Variants in CFAP20 observed in about 807,000 individuals in gnomAD.
CFAP20 encodes cilia and flagella associated protein 20.
In CFAP20, 14 loss-of-function variants were observed where a neutral mutation model predicts 25.5. The ratio of observed to expected loss-of-function variants is 0.55; its 90% CI spans 0.36 to 0.86. The LOEUF is 0.86. Among genes scored for constraint, CFAP20 ranks in the 40% least tolerant of loss-of-function variants. CFAP20 has a pLI of 0.01. For missense variants in CFAP20, 181 were observed against 248.0 expected (o/e 0.73, Z 1.81); for synonymous variants, 75 against 91.1 (o/e 0.82, Z 1.01).
At chr16:58,128,988 G>T (rs752203144) in intron 1 of CFAP20, 44 bp downstream of exon 1, 133 of 1,588,126 alleles carry the variant, frequency 8.4e-5, no homozygotes, top group Non-Finnish European at 1.1e-4. Context: ...ACGAGGAGGG[G>T]GTGCAGCCCC....
chr16:58,120,583 C>T (rs1321001792), intron 1 of CFAP20, among the ~76,000 whole-genome samples: 13 of 152,216 alleles, frequency 8.5e-5, no homozygotes, highest in Non-Finnish European at 2.9e-5. Context: ...CACACAGAAG[C>T]CAATGCAGGC....
Position 58,116,855 on chromosome 16 carries a change from C to A in CFAP20, c.164+17G>T, listed in dbSNP as rs370808916. The stretch of plus-strand genomic sequence containing the variant: ...CTAGTATATGATGTCTCTGGGAGAA[C>A]AGAGGTGGCAACCTACCTTACATTT... On this transcript the variant is annotated intron_variant, in intron 2 of 5. Transcript: ENST00000262498. 7.5e-6 allele frequency: 12 copies of A among 1,608,338 alleles called. No individual in the cohort carries two copies. In the East Asian group the frequency reaches 2.7e-4, roughly 36 times the overall value.
In CFAP20 at chr16:58,129,226, G is replaced by A. The variant is rs962442850; in HGVS notation, c.-111C>T. The A allele has an allele frequency of 1.5e-5, 18 of 1,178,494 alleles. No individual in the cohort carries two copies. The highest frequency in any genetic ancestry group is 1.9e-4 in the Middle Eastern group (1 of 5,210). The allele number at this position is 1,178,494 out of a possible 1,614,324, so 73.0% of individuals were successfully genotyped here. On this transcript the variant is annotated 5_prime_UTR_variant, in exon 1 of 6. Transcript: ENST00000262498. ...AGCAGGCCGGCCCTGTTCCGAAGAA[G>A]GGTGGTTGAGCTCCTGGCCTCCGGA...
intron 3 of CFAP20, 72 bp downstream of exon 3, chr16:58,115,968 CT>C: frequency 5.3e-6 from 6 of 1,126,326 alleles, no homozygotes; most frequent in East Asian, 2.4e-5. Context: ...TGTAGGGTCA[CT>C]TTTTCCCATC....
At chr16:58,114,074 G>A in intron 5 of CFAP20, 44 bp from the exon 6 acceptor site, 2 of 1,603,940 alleles carry the variant, frequency 1.2e-6, no homozygotes, top group Non-Finnish European at 1.7e-6. Context: ...TAAGTTACTA[G>A]AAAATAGATG....
At chr16:58,122,620 G>A (rs760795349) in intron 1 of CFAP20, among the ~76,000 whole-genome samples, 3 of 151,970 alleles carry the variant, frequency 2.0e-5, no homozygotes, top group South Asian at 4.2e-4. Flanking sequence ...CCATGTCTTC[G>A]TTCAATTACA....
At chr16:58,127,988 T>C (rs1363495031) in intron 1 of CFAP20, among the ~76,000 whole-genome samples, 1 of 152,180 alleles carries the variant, frequency 6.6e-6, no homozygotes, top group Non-Finnish European at 1.5e-5. Context: ...CTGAGATTAT[T>C]CCACATGCAT....
chr16:58,114,493 T>G (rs1960429092), intron 5 of CFAP20, among the ~76,000 whole-genome samples: 2 of 148,914 alleles, frequency 1.3e-5, no homozygotes, highest in Admixed American at 6.7e-5. Flanking sequence ...GCCACTGCAC[T>G]CTAGCCTGGG....
chr16:58,118,567 C>T (rs765256577), intron 1 of CFAP20, among the ~76,000 whole-genome samples: 12 of 144,772 alleles, frequency 8.3e-5, no homozygotes, highest in Non-Finnish European at 1.1e-4. Context: ...TGGTGGTTCA[C>T]GCTTGTAATC....
rs188372914 is a variant in CFAP20, at chr16:58,125,668, C to T, written c.84+3364G>A. On this transcript the variant is annotated intron_variant, in intron 1 of 5. Coordinates refer to ENST00000262498, the MANE Select transcript of CFAP20 (RefSeq NM_013242.3). ...TACTGCATTCCAGCCTGGGCAACAG[C>T]AAGACCTTGTCTCAGAAAAATAAAA... 2.1e-3 allele frequency among the ~76,000 whole-genome samples: 316 copies of T among 152,170 alleles called. 1 individual carries two copies. Among genetic ancestry groups the T allele is most frequent in the African/African-American group, 7.1e-3 (295 of 41,536 alleles).
At chr16:58,119,810 A>C (rs4784895) in intron 1 of CFAP20, among the ~76,000 whole-genome samples, 1,516 of 73,170 alleles carry the variant, frequency 0.021, 1 homozygote, top group Middle Eastern at 0.1. Flanking sequence ...CTCGCCATCT[A>C]CTGTTCCCAA....
intron 5 of CFAP20, 69 bp from the exon 6 acceptor site, chr16:58,114,099 C>T (rs976080523): frequency 6.6e-7 from 1 of 1,507,920 alleles, no homozygotes. Flanking sequence ...GTGTCACAGG[C>T]CCCCTGCCTC....
chr16:58,115,034 TG>T, intron 4 of CFAP20, 114 bp from the exon 5 acceptor site: 1 of 1,069,480 alleles, frequency 9.4e-7, no homozygotes, highest in Non-Finnish European at 1.4e-6. Context: ...GGCATCTCCT[TG>T]GCTTGTCTTA....
intron 1 of CFAP20, among the ~76,000 whole-genome samples, chr16:58,126,458 C>CA (rs1037719641): frequency 2.6e-5 from 4 of 152,126 alleles, no homozygotes; most frequent in African/African-American, 9.7e-5. Flanking sequence ...AGAGCCTAAA[C>CA]AAAAGTCAAA....
chr16:58,115,110 C>A, intron 4 of CFAP20, 159 bp downstream of exon 4: 1 of 1,139,274 alleles, frequency 8.8e-7, no homozygotes, highest in Non-Finnish European at 1.3e-6. Flanking sequence ...GACCCGACTT[C>A]TGAATATTTC....
At chr16:58,115,067 G>T in intron 4 of CFAP20, 147 bp from the exon 5 acceptor site, 3 of 972,446 alleles carry the variant, frequency 3.1e-6, no homozygotes, top group Non-Finnish European at 3.1e-6. Context: ...TGGCAAGAGG[G>T]AGGTCTTACT....
chr16:58,128,831 C>T, intron 1 of CFAP20, among the ~76,000 whole-genome samples: 1 of 105,600 alleles, frequency 9.5e-6, no homozygotes, highest in Non-Finnish European at 2.2e-5. Context: ...CCACATGCAC[C>T]GCCCCCCCCC....
At position 58,129,362 on chromosome 16, in the gene CFAP20, G is replaced by T; in HGVS notation, c.-247C>A. The stretch of plus-strand genomic sequence containing the variant: ...CCACAGCAACTACCGTCCGCGCCGC[G>T]GTATTTCCCCGCCTTCAATGGAGGC... On this transcript the variant is annotated 5_prime_UTR_variant, in exon 1 of 6. Coordinates refer to ENST00000262498, the MANE Select transcript of CFAP20 (RefSeq NM_013242.3). The T allele has an allele frequency of 2.1e-6, 1 of 486,958 alleles. No individual in the cohort carries two copies. Among genetic ancestry groups the T allele is most frequent in the Middle Eastern group, 5.6e-4 (1 of 1,786 alleles). 30.2% of individuals were successfully genotyped at this position (486,958 alleles called of 1,614,324 possible).
chr16:58,126,146 C>T (rs1438964128), intron 1 of CFAP20, among the ~76,000 whole-genome samples: 2 of 152,188 alleles, frequency 1.3e-5, no homozygotes, highest in Non-Finnish European at 1.5e-5. Flanking sequence ...TCTGACCACG[C>T]CCTAGCATTG....
Sources: allele counts gnomAD v4.1 joint callset (sites outside exome capture counted in the v4.1 genomes callset), GRCh38; gene constraint gnomAD v4.1.1; transcripts MANE v1.5; gene names NCBI Gene and HGNC (gene_info 2026-07-23, HGNC 2026-07-21).